IFIH1: variants seen among roughly 807,000 people sequenced by gnomAD.
The protein encoded by IFIH1 is interferon induced with helicase C domain 1.
In IFIH1, 125 loss-of-function variants were observed where a neutral mutation model predicts 107.4. That is an observed-to-expected ratio of 1.16 (90% confidence interval 1.01 to 1.35). IFIH1 has a LOEUF of 1.35. IFIH1 is among the 40% of genes most tolerant of loss of function. The pLI is 0.00. For synonymous variants in IFIH1, 458 were observed against 413.2 expected, an observed-to-expected ratio of 1.11 and a Z score of -1.31; for missense variants, 1,333 against 1,213.7, an observed-to-expected ratio of 1.10 and a Z score of -1.46.
intron 5 of IFIH1, among the ~76,000 whole-genome samples, chr2:162,287,377 C>A (rs569884616): frequency 6.4e-4 from 97 of 151,826 alleles, no homozygotes; most frequent in African/African-American, 2.3e-3. Context: ...AGTAAATATT[C>A]ATATCCCCAA....
rs190292883 is a variant in IFIH1, at chr2:162,301,287, T to G, written c.769+5422A>C. Among the ~76,000 whole-genome samples the G allele has an allele frequency of 6.5e-4, 99 of 152,272 alleles. 1 individual carries two copies. The highest frequency in any genetic ancestry group is 1.3e-3 in the Non-Finnish European group (86 of 68,014). ...TGCAATCACAGTCATGCGCACTGTA[T>G]ATTCACACATGGCACACTCTACAGT... On this transcript the variant is annotated intron_variant, in intron 3 of 15. Transcript: ENST00000649979.
Position 162,277,656 on chromosome 2 carries a change from T to G in IFIH1, c.1803A>C (p.Ala601=). ...KEGNRKERVC[A]EHLRKYNEAL... ...CCTCATTGTACTTCCTCAAATGTTC[T>G]GCACAAACACGTTCTTTGCGATTTC... is the stretch of plus-strand genomic sequence containing the variant. The change falls in exon 10 of 16, where the codon GCA becomes GCC. Residue 601 remains alanine, a synonymous_variant. Transcript: ENST00000649979. 1 of 1,610,618 alleles carries G rather than the reference T, an allele frequency of 6.2e-7. No homozygotes were observed. The highest frequency in any genetic ancestry group is 8.5e-7 in the Non-Finnish European group (1 of 1,178,390).
At chr2:162,274,156 A>C (rs78540996) in intron 11 of IFIH1, among the ~76,000 whole-genome samples, 1 of 152,136 alleles carries the variant, frequency 6.6e-6, no homozygotes, top group Non-Finnish European at 1.5e-5. Context: ...ACAATAACAA[A>C]AATATTTCCA....
At chr2:162,272,110 C>G (rs1481400904) in intron 13 of IFIH1, 116 bp downstream of exon 13, 1 of 812,014 alleles carries the variant, frequency 1.2e-6, no homozygotes, top group Non-Finnish European at 2.0e-6. Context: ...GTTCACTAAA[C>G]AGAAACTTAT....
At position 162,293,609 on chromosome 2, in the gene IFIH1, T is replaced by C. The variant is rs1189567016; in HGVS notation, c.829A>G (p.Asn277Asp). The C allele has an allele frequency of 6.2e-7, 1 of 1,612,058 alleles. No individual in the cohort carries two copies. The highest frequency in any genetic ancestry group is 1.3e-5 in the African/African-American group (1 of 74,794). Residue 277 changes from asparagine to aspartate, a missense_variant, in exon 4 of 16, where the codon AAC (asparagine) becomes GAC (aspartate). By Grantham distance (23) the Asn-to-Asp change is conservative (BLOSUM62 1). Transcript: ENST00000649979. ...CCTGAATCACTGCCCATGTTGCTGTTATGTCCAAGACTTTCATCTAAGCAG... is the reference window on the plus strand; with the variant it reads ...CCTGAATCACTGCCCATGTTGCTGTCATGTCCAAGACTTTCATCTAAGCAG... ...VSCLDESLGH[N>D]SNMGSDSGTM...
In IFIH1 at chr2:162,304,676, A is replaced by G. The variant is rs889723712; in HGVS notation, c.769+2033T>C. On this transcript the variant is annotated intron_variant, in intron 3 of 15. Transcript: ENST00000649979. ...AAAAGTATTGATAATTAACAAAACA[A>G]AGAGAATGAATTTGTGAAATTCTTT... Among the ~76,000 whole-genome samples the G allele has an allele frequency of 4.6e-5, 7 of 152,374 alleles. No individual in the cohort carries two copies. In the East Asian group the frequency reaches 1.2e-3, roughly 25 times the overall value.
chr2:162,287,051 G>A (rs1251233300), intron 5 of IFIH1, among the ~76,000 whole-genome samples: 1 of 151,640 alleles, frequency 6.6e-6, no homozygotes, highest in African/African-American at 2.4e-5. Context: ...CAAGTCTATC[G>A]GCAAACAAAT....
At position 162,268,206 on chromosome 2, in the gene IFIH1, G is replaced by A. The variant is rs946205846; in HGVS notation, c.2688C>T (p.Tyr896=). Residue 896 remains tyrosine (Y), a synonymous_variant, in exon 14 of 16, where the codon TAC becomes TAT. Transcript: ENST00000649979. Reference sequence around the variant, plus strand: ...AAGTTATTAGTGATGGGTTATTCTTGTAATGCTTGGCAATATTTCTCTTGG... The same window carrying A: ...AAGTTATTAGTGATGGGTTATTCTTATAATGCTTGGCAATATTTCTCTTGG... The part of the protein sequence containing the change: ...MKTKRNIAKH[Y]KNNPSLITFL... 1 of 1,612,498 alleles carries A rather than the reference G, an allele frequency of 6.2e-7. No individual in the cohort carries two copies.
chr2:162,290,253 T>C (rs1682973788), intron 4 of IFIH1, among the ~76,000 whole-genome samples: 1 of 151,882 alleles, frequency 6.6e-6, no homozygotes, highest in Admixed American at 6.6e-5. Context: ...AATAAACTAT[T>C]AAAAGAGTAC....
chr2:162,290,006 A>G (rs1300442825), intron 4 of IFIH1, among the ~76,000 whole-genome samples: 1 of 151,838 alleles, frequency 6.6e-6, no homozygotes, highest in Non-Finnish European at 1.5e-5. Flanking sequence ...TTTCACCTCT[A>G]TTAGGATAGT....
chr2:162,276,808 C>T lies in IFIH1; in HGVS notation c.2183G>A (p.Arg728Gln), dbSNP rs1266522773. 3.4e-5 allele frequency: 55 copies of T among 1,613,882 alleles called. No individual in the cohort carries two copies. Among genetic ancestry groups the T allele is most frequent in the African/African-American group, 5.3e-5 (4 of 74,914 alleles). ...SARGIIFTKTRQSAYALSQWI... is the reference protein window; with the variant it reads ...SARGIIFTKTQQSAYALSQWI... ...CTGGGAAAGCGCATATGCACTCTGT[C>T]GTGTTTTTGTAAAGATTATTCCTCG... Residue 728 changes from arginine (R) to glutamine (Q), a missense_variant, in exon 11 of 16, where the codon CGA (arginine) becomes CAA (glutamine). Coordinates refer to ENST00000649979, the MANE Select transcript of IFIH1 (RefSeq NM_022168.4).
rs1682803456 is a variant in IFIH1 at position 162,281,325 on chromosome 2, T to A, written c.1524+3A>T. The A allele has an allele frequency of 6.2e-7, 1 of 1,609,366 alleles. No homozygotes were observed. The highest frequency in any genetic ancestry group is 8.5e-7 in the Non-Finnish European group (1 of 1,176,820). On this transcript the variant is annotated splice_donor_region_variant and intron_variant, in intron 7 of 15. Transcript: ENST00000649979. ...ATTGGTTATACATAAAATTATGACTTACTTTTAAAATGTGTTCTTCAGCTT... is the reference window on the plus strand; with the variant it reads ...ATTGGTTATACATAAAATTATGACTAACTTTTAAAATGTGTTCTTCAGCTT...
At chr2:162,272,501 C>G in intron 12 of IFIH1, 114 bp from the exon 13 acceptor site, 2 of 846,374 alleles carry the variant, frequency 2.4e-6, no homozygotes, top group South Asian at 3.5e-5. Flanking sequence ...GGTTGTTCAG[C>G]ATGCCAGTCT....
intron 3 of IFIH1, among the ~76,000 whole-genome samples, chr2:162,302,318 G>A (rs1683208030): frequency 6.6e-6 from 1 of 151,916 alleles, no homozygotes; most frequent in Non-Finnish European, 1.5e-5. Context: ...TGATAAACTG[G>A]TTCAGAAATA....
intron 7 of IFIH1, among the ~76,000 whole-genome samples, chr2:162,280,908 C>A (rs1682796312): frequency 6.6e-6 from 1 of 151,928 alleles, no homozygotes; most frequent in Non-Finnish European, 1.5e-5. Context: ...TTTGAATTAC[C>A]TAGATTCCTA....
chr2:162,314,556 C>T (rs1250578302), intron 1 of IFIH1, among the ~76,000 whole-genome samples: 1 of 147,960 alleles, frequency 6.8e-6, no homozygotes, highest in Non-Finnish European at 1.5e-5. Flanking sequence ...GGCGCCATCT[C>T]AGCTCACTGC....
At chr2:162,291,213 A>G (rs1054527427) in intron 4 of IFIH1, among the ~76,000 whole-genome samples, 1 of 151,820 alleles carries the variant, frequency 6.6e-6, no homozygotes, top group African/African-American at 2.4e-5. Context: ...ATAATATTCT[A>G]TTGGAACTAC....
At chr2:162,305,240 G>C (rs1683260959) in intron 3 of IFIH1, among the ~76,000 whole-genome samples, 3 of 152,274 alleles carry the variant, frequency 2.0e-5, no homozygotes, top group Admixed American at 2.0e-4. Context: ...GTGTATTACA[G>C]ATTTCTTGCA....
chr2:162,278,068 C>T, intron 9 of IFIH1, 137 bp downstream of exon 9: 3 of 699,122 alleles, frequency 4.3e-6, no homozygotes, highest in Non-Finnish European at 7.2e-6. Context: ...GTTTATTATG[C>T]TTGTCCTACA....
Sources: gnomAD v4.1 joint callset for allele counts (sites outside exome capture counted in the v4.1 genomes callset) on GRCh38, gnomAD v4.1.1 for gene constraint, MANE v1.5 for transcripts, NCBI Gene and HGNC (gene_info 2026-07-23, HGNC 2026-07-21) for gene names.